Variants in SLCO2A1 observed in about 807,000 individuals in gnomAD.
SLCO2A1 encodes matrin F/G 1.
In SLCO2A1, 60 loss-of-function variants were observed where a neutral mutation model predicts 71.7. The ratio of observed to expected loss-of-function variants is 0.84; its 90% CI spans 0.68 to 1.04. The LOEUF is 1.04. Ranked by LOEUF, SLCO2A1 falls within the 50% of genes least tolerant of loss-of-function variation. SLCO2A1 has a pLI of 0.00. For synonymous variants in SLCO2A1, 308 were observed against 326.7 expected, an observed-to-expected ratio of 0.94 and a Z score of 0.62; for missense variants, 745 against 813.4, an observed-to-expected ratio of 0.92 and a Z score of 1.02.
chr3:134,023,640 A>G (rs924172339), intron 1 of SLCO2A1, among the ~76,000 whole-genome samples: 1 of 152,262 alleles, frequency 6.6e-6, no homozygotes, highest in African/African-American at 2.4e-5. Flanking sequence ...TCCTAAAATC[A>G]TACATTCATT....
At chr3:133,973,536 A>C (rs1475093902) in intron 3 of SLCO2A1, 127 bp downstream of exon 3, 2 of 988,034 alleles carry the variant, frequency 2.0e-6, no homozygotes, top group Non-Finnish European at 3.0e-6. Context: ...TACATACTTC[A>C]GTATAGTCTG....
chr3:133,935,575 C>T (rs1266486690), intron 13 of SLCO2A1, among the ~76,000 whole-genome samples, 199 bp downstream of exon 13: 1 of 152,216 alleles, frequency 6.6e-6, no homozygotes, highest in Non-Finnish European at 1.5e-5. Context: ...ATGGAAGTCC[C>T]TGGACATCTC....
intron 7 of SLCO2A1, 74 bp from the exon 8 acceptor site, chr3:133,948,774 C>T (rs995537594): frequency 2.5e-6 from 4 of 1,594,470 alleles, no homozygotes; most frequent in East Asian, 2.2e-5. Context: ...GGGCCAGTTA[C>T]AGGCCCTCTG....
At chr3:133,935,947 T>C (rs1474831630) in intron 12 of SLCO2A1, 50 bp from the exon 13 acceptor site, 9 of 1,489,954 alleles carry the variant, frequency 6.0e-6, no homozygotes, top group Non-Finnish European at 8.1e-6. Flanking sequence ...CAGGCAGAGG[T>C]GTCCAGCAGG....
intron 1 of SLCO2A1, among the ~76,000 whole-genome samples, chr3:133,986,665 AC>A: frequency 6.6e-6 from 1 of 152,166 alleles, no homozygotes; most frequent in East Asian, 1.9e-4. Context: ...ACTTTTTACC[AC>A]CCGTGTCAAA....
chr3:134,002,362 G>C (rs1165026503), intron 1 of SLCO2A1, among the ~76,000 whole-genome samples: 1 of 152,208 alleles, frequency 6.6e-6, no homozygotes, highest in Admixed American at 6.5e-5. Context: ...CCAGGCCACA[G>C]CAGAAAGCTC....
At chr3:133,955,460 C>T in intron 3 of SLCO2A1, 2 of 497,136 alleles carry the variant, frequency 4.0e-6, no homozygotes, top group Non-Finnish European at 7.2e-6. Flanking sequence ...AGGAATCTTC[C>T]TCTCGTGAGT....
intron 1 of SLCO2A1, among the ~76,000 whole-genome samples, chr3:133,993,648 T>G (rs1238186084): frequency 1.3e-5 from 2 of 151,738 alleles, no homozygotes; most frequent in African/African-American, 4.8e-5. Context: ...TCCAATTAAT[T>G]TTTTTTTTAA....
chr3:133,981,990 A>C (rs888804285), intron 1 of SLCO2A1, among the ~76,000 whole-genome samples: 27 of 151,956 alleles, frequency 1.8e-4, no homozygotes, highest in African/African-American at 3.6e-4. Flanking sequence ...AAAAAAAAAA[A>C]AAAACAAAAC....
At chr3:133,937,097 G>A (rs1473614869) in intron 12 of SLCO2A1, among the ~76,000 whole-genome samples, 3 of 152,100 alleles carry the variant, frequency 2.0e-5, no homozygotes, top group South Asian at 4.1e-4. Flanking sequence ...CAAGCAGTGC[G>A]AGAGAGTCCG....
chr3:134,020,943 T>G (rs190301135), intron 1 of SLCO2A1, among the ~76,000 whole-genome samples: 2 of 150,940 alleles, frequency 1.3e-5, no homozygotes, highest in East Asian at 4.0e-4. Context: ...TTGATTTGAA[T>G]TGCTTGACAG....
At chr3:134,008,062 C>T (rs1935255694) in intron 1 of SLCO2A1, among the ~76,000 whole-genome samples, 1 of 152,160 alleles carries the variant, frequency 6.6e-6, no homozygotes, top group Admixed American at 6.5e-5. Flanking sequence ...TAACCACAGC[C>T]TTTAGAAGGA....
intron 1 of SLCO2A1, among the ~76,000 whole-genome samples, chr3:134,024,585 C>T (rs1277482223): frequency 6.6e-6 from 1 of 152,170 alleles, no homozygotes; most frequent in East Asian, 1.9e-4. Flanking sequence ...GGGGCTCTGG[C>T]CAAGGCCAGT....
At chr3:133,976,286 G>A (rs771351469) in intron 2 of SLCO2A1, among the ~76,000 whole-genome samples, 7 of 152,226 alleles carry the variant, frequency 4.6e-5, no homozygotes, top group East Asian at 3.8e-4. Context: ...CCCAGATTTC[G>A]TTTATTTCCT....
intron 1 of SLCO2A1, among the ~76,000 whole-genome samples, chr3:134,017,965 G>T (rs894629549): frequency 8.5e-5 from 13 of 152,122 alleles, no homozygotes; most frequent in African/African-American, 2.9e-4. Context: ...AAAGAGGTGA[G>T]GTGAAATGAG....
chr3:133,982,604 G>A (rs1243234937), intron 1 of SLCO2A1, among the ~76,000 whole-genome samples: 3 of 151,914 alleles, frequency 2.0e-5, no homozygotes, highest in African/African-American at 7.3e-5. Context: ...AATCCTTCTT[G>A]ATGTCCCTCC....
chr3:133,953,901 C>T lies in SLCO2A1; in HGVS notation c.626-140G>A, dbSNP rs1933816622. The T allele has an allele frequency of 4.5e-6, 3 of 673,216 alleles. No homozygotes were observed. In the Admixed American group the frequency reaches 6.7e-5, roughly 15 times the overall value. 41.7% of individuals were successfully genotyped at this position (673,216 alleles called of 1,614,324 possible). ...ATAAGCCCACACCTGTGGCATCTCC[C>T]ACCAGCAAGGCCAGAACCACTCAAG... On this transcript the variant is annotated intron_variant, in intron 4 of 13. Transcript: ENST00000310926.
At chr3:133,971,674 G>A (rs959653937) in intron 3 of SLCO2A1, among the ~76,000 whole-genome samples, 15 of 152,048 alleles carry the variant, frequency 9.9e-5, no homozygotes, top group African/African-American at 2.4e-5. Context: ...AACCAAAATC[G>A]ATTATTCCCT....
At chr3:133,982,466 C>T (rs1934616955) in intron 1 of SLCO2A1, among the ~76,000 whole-genome samples, 1 of 152,190 alleles carries the variant, frequency 6.6e-6, no homozygotes, top group Non-Finnish European at 1.5e-5. Flanking sequence ...ACGTATCCAC[C>T]TGGACACTCC....
Sources: gnomAD v4.1 joint callset for allele counts (sites outside exome capture counted in the v4.1 genomes callset) on GRCh38, gnomAD v4.1.1 for gene constraint, MANE v1.5 for transcripts, NCBI Gene and HGNC (gene_info 2026-07-23, HGNC 2026-07-21) for gene names.